SHISA8: variants seen among roughly 807,000 people sequenced by gnomAD.
SHISA8 encodes shisa family member 8, also known as protein shisa-8.
SHISA8 carries 21 observed loss-of-function variants against 21.1 expected under a neutral mutation model. The observed-to-expected ratio is 0.99, with a 90% CI of 0.71 to 1.43. The LOEUF (loss-of-function observed/expected upper bound fraction) is 1.43, where lower values mean the gene tolerates loss of function less well. SHISA8 is among the 40% of genes most tolerant of loss of function. The probability of loss-of-function intolerance (pLI) is 0.00; values close to 1 mark genes in which losing one functional copy is unlikely to be tolerated. For synonymous variants in SHISA8, 300 were observed against 291.4 expected (o/e 1.03, Z -0.30); for missense variants, 535 against 599.1 (o/e 0.89, Z 1.12).
In SHISA8 at chr22:41,911,228, G is replaced by C. The variant is rs572420934; in HGVS notation, c.652C>G (p.His218Asp). 2.1e-4 allele frequency: 275 copies of C among 1,283,146 alleles called. No homozygotes were observed. The African/African-American group carries it at 3.6e-3, about 17-fold the overall frequency. The allele number at this position is 1,283,146 out of a possible 1,614,324, so 79.5% of individuals were successfully genotyped here. A position where few individuals can be genotyped will look rare whatever the true frequency, so the allele number is the denominator to read the frequency against. The change falls in exon 2 of 4, where the codon CAC (histidine) becomes GAC (aspartate). Residue 218 changes from histidine to aspartate, a missense_variant. Coordinates refer to ENST00000621082, the MANE Select transcript of SHISA8 (RefSeq NM_001207020.3). ...MGDGLPRGSPHNSADKKRLNN... is the reference protein window; with the variant it reads ...MGDGLPRGSPDNSADKKRLNN... ...GCCACCGACTCACCTGCGCTGTTGT[G>C]GGGGGAGCCCCGGGGGAGGCCGTCC...
At chr22:41,913,661 G>A (rs1343080531) in intron 1 of SHISA8, among the ~76,000 whole-genome samples, 1 of 152,122 alleles carries the variant, frequency 6.6e-6, no homozygotes, top group Non-Finnish European at 1.5e-5. Context: ...GGGCAGCCTT[G>A]AGTCACAGCT....
chr22:41,910,737 T>G lies in SHISA8; in HGVS notation c.665-183A>C, dbSNP rs914593621. Among the ~76,000 whole-genome samples, 1 of 151,906 alleles carries G rather than the reference T, an allele frequency of 6.6e-6. No homozygotes were observed. The highest frequency in any genetic ancestry group is 1.5e-5 in the Non-Finnish European group (1 of 67,962). ...TCCAGCGCCTGGAACAGGGCCTGGC[T>G]CCGAGTCACGCGCAGCGGCGGCGGC... is the stretch of plus-strand genomic sequence containing the variant. On this transcript the variant is annotated intron_variant, in intron 2 of 3. Transcript: ENST00000621082. This position sits in a 1 kb window ranked among gnomAD's most constrained non-coding sequence, Gnocchi z 6.8.
chr22:41,914,763 T>A lies in SHISA8; in HGVS notation c.-96A>T. The A allele has an allele frequency of 1.1e-6, 1 of 902,278 alleles. No individual in the cohort carries two copies. Among genetic ancestry groups the A allele is most frequent in the Non-Finnish European group, 1.3e-6 (1 of 753,410 alleles). The allele number at this position is 902,278 out of a possible 1,614,324, so 55.9% of individuals were successfully genotyped here. ...CCGCTCCCGCAGGGATCGCGCTGGC[T>A]CCCGGCGCACGCCGCCTCGGCCGTC... is the stretch of plus-strand genomic sequence containing the variant. On this transcript the variant is annotated 5_prime_UTR_variant, in exon 1 of 4. Coordinates refer to ENST00000621082, the MANE Select transcript of SHISA8 (RefSeq NM_001207020.3). This position sits in a 1 kb window ranked among gnomAD's most constrained non-coding sequence, Gnocchi z 6.8.
At position 41,914,743 on chromosome 22, in the gene SHISA8, C is replaced by T; in HGVS notation, c.-76G>A. On this transcript the variant is annotated 5_prime_UTR_variant, in exon 1 of 4. Coordinates refer to ENST00000621082, the MANE Select transcript of SHISA8 (RefSeq NM_001207020.3). The surrounding 1 kb of genome is among the most constrained non-coding windows in gnomAD (Gnocchi z 6.8). ...CTCCCTCCGGCTCGGCTCCTCCGCT[C>T]CCGCAGGGATCGCGCTGGCTCCCGG... 2 of 966,236 alleles carry T rather than the reference C, an allele frequency of 2.1e-6. No homozygotes were observed. Among genetic ancestry groups the T allele is most frequent in the Middle Eastern group, 5.2e-4 (1 of 1,940 alleles). 59.9% of individuals were successfully genotyped at this position (966,236 alleles called of 1,614,324 possible). A position where few individuals can be genotyped will look rare whatever the true frequency, so the allele number is the denominator to read the frequency against.
chr22:41,914,249 G>A lies in SHISA8; in HGVS notation c.419C>T (p.Thr140Met), dbSNP rs1346243314. 3.0e-6 allele frequency: 4 copies of A among 1,333,738 alleles called. No homozygotes were observed. The highest frequency in any genetic ancestry group is 5.6e-4 in the Middle Eastern group (2 of 3,578). The allele number at this position is 1,333,738 out of a possible 1,614,324, so 82.6% of individuals were successfully genotyped here. A position where few individuals can be genotyped will look rare whatever the true frequency, so the allele number is the denominator to read the frequency against. ...PRDPGRERSHTAVYAVCGVAA... is the reference protein window; with the variant it reads ...PRDPGRERSHMAVYAVCGVAA... ...GACGCCGCACACAGCGTAGACGGCC[G>A]TATGGCTGCGCTCGCGGCCGGGGTC... The change falls in exon 1 of 4, where the codon ACG (threonine) becomes ATG (methionine). Residue 140 changes from threonine (T) to methionine (M), a missense_variant. Transcript: ENST00000621082. The surrounding 1 kb of genome is among the most constrained non-coding windows in gnomAD (Gnocchi z 6.8).
At chr22:41,911,777 G>A (rs761968350) in intron 1 of SHISA8, among the ~76,000 whole-genome samples, 4 of 151,952 alleles carry the variant, frequency 2.6e-5, no homozygotes, top group Admixed American at 6.6e-5. Flanking sequence ...GCAGAGTCTC[G>A]CTCTGTTGTC....
At chr22:41,912,877 A>G (rs2077561236) in intron 1 of SHISA8, among the ~76,000 whole-genome samples, 1 of 152,224 alleles carries the variant, frequency 6.6e-6, no homozygotes, top group Non-Finnish European at 1.5e-5. Context: ...CAGGATGAAC[A>G]TGTCAGCTGG....
At chr22:41,911,739 C>CT (rs889036419) in intron 1 of SHISA8, among the ~76,000 whole-genome samples, 27 of 152,074 alleles carry the variant, frequency 1.8e-4, no homozygotes, top group Admixed American at 3.9e-4. Flanking sequence ...TCCAGGAATC[C>CT]TTTTTTTTAA....
chr22:41,909,986 AGGGGCCCGGCGC>A lies in SHISA8; in HGVS notation c.961_972del (p.Ala321_Pro324del). Reference sequence around the variant, plus strand: ...GGGCGACTGGAGGTCCAGGCGGCATAGGGGCCCGGCGCGGCAGGGGGCGCGTAGACCGGCGGG... The same window carrying A: ...GGGCGACTGGAGGTCCAGGCGGCATAGGCAGGGGGCGCGTAGACCGGCGGG... On this transcript the variant is annotated inframe_deletion, in exon 4 of 4. Coordinates refer to ENST00000621082, the MANE Select transcript of SHISA8 (RefSeq NM_001207020.3). 2 of 1,336,874 alleles carry A rather than the reference AGGGGCCCGGCGC, an allele frequency of 1.5e-6. No homozygotes were observed. Among genetic ancestry groups the A allele is most frequent in the Non-Finnish European group, 1.9e-6 (2 of 1,052,714 alleles). The allele number at this position is 1,336,874 out of a possible 1,614,324, so 82.8% of individuals were successfully genotyped here.
At chr22:41,913,514 A>G (rs1179572190) in intron 1 of SHISA8, among the ~76,000 whole-genome samples, 1 of 152,234 alleles carries the variant, frequency 6.6e-6, no homozygotes, top group Non-Finnish European at 1.5e-5. Flanking sequence ...TCAGAATGCA[A>G]CAAGCACCTG....
Position 41,911,258 on chromosome 22 carries a change from T to C in SHISA8, c.622A>G (p.Met208Val). ...GAGCCCCGGGGGAGGCCGTCCCCCA[T>C]CTGCACCTGGACACAGCCACCCAGG... is the stretch of plus-strand genomic sequence containing the variant. The part of the protein sequence containing the change: ...PPLGGCVQVQ[M>V]GDGLPRGSPH... Residue 208 changes from methionine (M) to valine (V), a missense_variant, in exon 2 of 4, where the codon ATG becomes GTG. Physicochemically the swap from Met to Val is conservative, Grantham distance 21 (BLOSUM62 1). Coordinates refer to ENST00000621082, the MANE Select transcript of SHISA8 (RefSeq NM_001207020.3). 7.8e-7 allele frequency: 1 copy of C among 1,283,964 alleles called. No individual in the cohort carries two copies. The highest frequency in any genetic ancestry group is 9.8e-7 in the Non-Finnish European group (1 of 1,015,398). The allele number at this position is 1,283,964 out of a possible 1,614,324, so 79.5% of individuals were successfully genotyped here. A position where few individuals can be genotyped will look rare whatever the true frequency, so the allele number is the denominator to read the frequency against.
In SHISA8 at chr22:41,910,372, C is replaced by G. The variant is rs2077541136; in HGVS notation, c.811+36G>C. On this transcript the variant is annotated intron_variant, in intron 3 of 3. Transcript: ENST00000621082. The surrounding 1 kb of genome is among the most constrained non-coding windows in gnomAD (Gnocchi z 6.8). ...CTTCGCAGTCCGGGAGCTCGTGCGC[C>G]CAGGTGCCCTGACGCTGCCCGCACC... is the stretch of plus-strand genomic sequence containing the variant. The G allele has an allele frequency of 4.2e-6, 4 of 944,532 alleles. No homozygotes were observed. Among genetic ancestry groups the G allele is most frequent in the Non-Finnish European group, 5.3e-6 (4 of 748,492 alleles). The allele number at this position is 944,532 out of a possible 1,614,324, so 58.5% of individuals were successfully genotyped here.
intron 1 of SHISA8, among the ~76,000 whole-genome samples, chr22:41,912,925 T>C (rs949127086): frequency 2.0e-5 from 3 of 152,108 alleles, no homozygotes; most frequent in African/African-American, 7.2e-5. Context: ...AGCCCTAAGT[T>C]CCTTTTTCCC....
At chr22:41,912,058 A>G (rs2077556482) in intron 1 of SHISA8, among the ~76,000 whole-genome samples, 1 of 152,158 alleles carries the variant, frequency 6.6e-6, no homozygotes, top group Non-Finnish European at 1.5e-5. Flanking sequence ...CTGCCTGCCT[A>G]ACTGCCCCTG....
chr22:41,914,560 G>T lies in SHISA8; in HGVS notation c.108C>A (p.Gly36=). ...CCTGCGCCTCGGGGGCTCCCGCGCG[G>T]CCCGACGGCGGCCGCGCCAGCAGCA... ...LALLLARPPS[G]RAGAPEAQGP... is the part of the protein sequence containing the mutation. The change falls in exon 1 of 4, where the codon GGC becomes GGA. Residue 36 remains glycine (G), a synonymous_variant. Transcript: ENST00000621082. The surrounding 1 kb of genome is among the most constrained non-coding windows in gnomAD (Gnocchi z 6.8). 1 of 1,177,970 alleles carries T rather than the reference G, an allele frequency of 8.5e-7. No individual in the cohort carries two copies. The highest frequency in any genetic ancestry group is 1.0e-6 in the Non-Finnish European group (1 of 954,240). 73.0% of individuals were successfully genotyped at this position (1,177,970 alleles called of 1,614,324 possible).
In SHISA8 at chr22:41,910,177, C is replaced by A; in HGVS notation, c.812-30G>T. 3.3e-6 allele frequency: 4 copies of A among 1,229,350 alleles called. No individual in the cohort carries two copies. Among genetic ancestry groups the A allele is most frequent in the Non-Finnish European group, 4.1e-6 (4 of 987,380 alleles). 76.2% of individuals were successfully genotyped at this position (1,229,350 alleles called of 1,614,324 possible). A position where few individuals can be genotyped will look rare whatever the true frequency, so the allele number is the denominator to read the frequency against. ...GGGGACAGGGCAGGGAAGAGTGACG[C>A]CGCGCCGAGCACCCAAGCTCAGGAC... On this transcript the variant is annotated intron_variant, in intron 3 of 3. Coordinates refer to ENST00000621082, the MANE Select transcript of SHISA8 (RefSeq NM_001207020.3). The surrounding 1 kb of genome is among the most constrained non-coding windows in gnomAD (Gnocchi z 6.8).
Position 41,914,050 on chromosome 22 carries a change from C to T in SHISA8, c.530+88G>A, listed in dbSNP as rs1003358510. On this transcript the variant is annotated intron_variant, in intron 1 of 3. Coordinates refer to ENST00000621082, the MANE Select transcript of SHISA8 (RefSeq NM_001207020.3). This position sits in a 1 kb window ranked among gnomAD's most constrained non-coding sequence, Gnocchi z 6.8. ...CCAGAGAAGGGGCCTGCTGGGAGAA[C>T]CAGCGCTTCGAGAGCGGCGGGAAGG... The T allele has an allele frequency of 8.5e-5, 108 of 1,272,930 alleles. No homozygotes were observed. Among genetic ancestry groups the T allele is most frequent in the Non-Finnish European group, 1.0e-4 (104 of 1,003,718 alleles). 78.9% of individuals were successfully genotyped at this position (1,272,930 alleles called of 1,614,324 possible).
At position 41,914,589 on chromosome 22, in the gene SHISA8, C is replaced by A; in HGVS notation, c.79G>T (p.Ala27Ser). The change falls in exon 1 of 4, where the codon GCG becomes TCG. Residue 27 changes from alanine to serine, a missense_variant. By Grantham distance (99) the Ala-to-Ser change is moderately conservative. Coordinates refer to ENST00000621082, the MANE Select transcript of SHISA8 (RefSeq NM_001207020.3). The surrounding 1 kb of genome is among the most constrained non-coding windows in gnomAD (Gnocchi z 6.8). ...GLRLALALRL[A>S]LLLARPPSGR... ...GACGGCGGCCGCGCCAGCAGCAACG[C>A]GAGCCGAAGCGCGAGCGCGAGCCGG... is the stretch of plus-strand genomic sequence containing the variant. 1.8e-6 allele frequency: 2 copies of A among 1,124,678 alleles called. No homozygotes were observed. Among genetic ancestry groups the A allele is most frequent in the Non-Finnish European group, 2.2e-6 (2 of 921,726 alleles). 69.7% of individuals were successfully genotyped at this position (1,124,678 alleles called of 1,614,324 possible).
chr22:41,910,619 T>A lies in SHISA8; in HGVS notation c.665-65A>T. On this transcript the variant is annotated intron_variant, in intron 2 of 3. Coordinates refer to ENST00000621082, the MANE Select transcript of SHISA8 (RefSeq NM_001207020.3). This position sits in a 1 kb window ranked among gnomAD's most constrained non-coding sequence, Gnocchi z 6.8. Reference sequence around the variant, plus strand: ...GGTTCACTCCGCCCTCGCTGTCACCTCTCCGTAGTCCTCTCCCCGAGGCCG... The same window carrying A: ...GGTTCACTCCGCCCTCGCTGTCACCACTCCGTAGTCCTCTCCCCGAGGCCG... 8.3e-7 allele frequency: 1 copy of A among 1,211,966 alleles called. No individual in the cohort carries two copies. Among genetic ancestry groups the A allele is most frequent in the Non-Finnish European group, 1.0e-6 (1 of 974,654 alleles). The allele number at this position is 1,211,966 out of a possible 1,614,324, so 75.1% of individuals were successfully genotyped here.
Sources: gnomAD v4.1 joint callset for allele counts (sites outside exome capture counted in the v4.1 genomes callset) on GRCh38, gnomAD v4.1.1 for gene constraint, Gnocchi (gnomAD v3.1) non-coding constraint, MANE v1.5 for transcripts, NCBI Gene and HGNC (gene_info 2026-07-23, HGNC 2026-07-21) for gene names.